Variants in EBAG9 observed in about 807,000 individuals in gnomAD.
EBAG9 encodes estrogen receptor binding site associated antigen 9, also known as receptor-binding cancer antigen expressed on SiSo cells.
EBAG9 carries 16 observed loss-of-function variants against 30.9 expected under a neutral mutation model. The observed-to-expected ratio is 0.52, with a 90% confidence interval of 0.35 to 0.79. The LOEUF is 0.79. Among genes scored for constraint, EBAG9 ranks in the 30% least tolerant of loss-of-function variants. The pLI, the probability that EBAG9 is intolerant of heterozygous loss-of-function variation, is 0.01. For missense variants in EBAG9, 197 were observed against 242.1 expected (o/e 0.81, Z 1.24); for synonymous variants, 93 against 82.8 (o/e 1.12, Z -0.67).
intron 2 of EBAG9, among the ~76,000 whole-genome samples, 200 bp from the exon 3 acceptor site, chr8:109,553,665 C>CGG (rs1821538096): frequency 6.6e-6 from 1 of 152,022 alleles, no homozygotes; most frequent in Non-Finnish European, 1.5e-5. Flanking sequence ...TTGTTCTGTC[C>CGG]AAGATTTAAA....
At chr8:109,560,643 C>T (rs2131131619) in intron 5 of EBAG9, among the ~76,000 whole-genome samples, 195 bp from the exon 6 acceptor site, 1 of 152,242 alleles carries the variant, frequency 6.6e-6, no homozygotes, top group Non-Finnish European at 1.5e-5. Flanking sequence ...CTGTTGAACA[C>T]TGAAAGTCAT....
chr8:109,543,135 CTTT>C (rs557388998), intron 1 of EBAG9, among the ~76,000 whole-genome samples: 3 of 52,852 alleles, frequency 5.7e-5, no homozygotes, highest in Non-Finnish European at 1.0e-4. Flanking sequence ...TATTCTGGTT[CTTT>C]TTTTTTTTTT....
At chr8:109,553,453 A>G (rs1256471959) in intron 2 of EBAG9, among the ~76,000 whole-genome samples, 1 of 152,196 alleles carries the variant, frequency 6.6e-6, no homozygotes, top group Non-Finnish European at 1.5e-5. Flanking sequence ...TTAATAGTTA[A>G]TCTTATCAAG....
At chr8:109,558,189 AG>A (rs1390129859) in intron 5 of EBAG9, among the ~76,000 whole-genome samples, 1 of 152,184 alleles carries the variant, frequency 6.6e-6, no homozygotes, top group Non-Finnish European at 1.5e-5. Context: ...CCCTCTTCCC[AG>A]GGGACCCATG....
At chr8:109,558,687 G>C (rs1821652458) in intron 5 of EBAG9, among the ~76,000 whole-genome samples, 3 of 152,092 alleles carry the variant, frequency 2.0e-5, no homozygotes, top group East Asian at 3.9e-4. Context: ...AGAATAAAGG[G>C]GCATTGCATA....
chr8:109,556,972 TC>T lies in EBAG9; in HGVS notation c.362del (p.Pro121GlnfsTer11). ...AAGAGAGAACCATTGAATTTTGGCATCCCAGATGGGAGCACAGGTTTCTCTA... is the reference window on the plus strand; with the variant it reads ...AAGAGAGAACCATTGAATTTTGGCATCCAGATGGGAGCACAGGTTTCTCTA... ...IKKREPLNFG[I>X]PDGSTGFSSR... On this transcript the variant is annotated frameshift_variant, in exon 5 of 7. Coordinates refer to ENST00000337573, the MANE Select transcript of EBAG9 (RefSeq NM_004215.5). LOFTEE classifies it high-confidence loss of function. The T allele has an allele frequency of 6.2e-7, 1 of 1,604,444 alleles. No homozygotes were observed. The highest frequency in any genetic ancestry group is 8.5e-7 in the Non-Finnish European group (1 of 1,174,718).
intron 4 of EBAG9, among the ~76,000 whole-genome samples, chr8:109,555,124 C>T (rs1821572024): frequency 6.6e-6 from 1 of 151,864 alleles, no homozygotes; most frequent in Admixed American, 6.6e-5. Context: ...CTAATGCTAT[C>T]CCTCCCCTCT....
intron 6 of EBAG9, 128 bp downstream of exon 6, chr8:109,561,057 G>A: frequency 1.4e-6 from 1 of 723,980 alleles, no homozygotes; most frequent in Non-Finnish European, 2.2e-6. Context: ...TAGATAATAA[G>A]GACTTTTTTT....
intron 6 of EBAG9, 38 bp downstream of exon 6, chr8:109,560,967 G>A (rs765611955): frequency 1.2e-5 from 19 of 1,553,154 alleles, no homozygotes; most frequent in Non-Finnish European, 1.7e-5. Flanking sequence ...CTGAGTAGAA[G>A]AACTAGATTT....
At chr8:109,544,835 G>A (rs545619899) in intron 1 of EBAG9, among the ~76,000 whole-genome samples, 5 of 152,050 alleles carry the variant, frequency 3.3e-5, no homozygotes, top group South Asian at 2.1e-4. Flanking sequence ...GCTCTTAGTC[G>A]GGACATTGTC....
chr8:109,549,033 G>A (rs1821443009), intron 1 of EBAG9, among the ~76,000 whole-genome samples: 1 of 151,110 alleles, frequency 6.6e-6, no homozygotes, highest in Non-Finnish European at 1.5e-5. Context: ...TCATATTACT[G>A]TAGGTTTTTC....
At chr8:109,552,589 T>C (rs916415266) in intron 2 of EBAG9, among the ~76,000 whole-genome samples, 4 of 152,232 alleles carry the variant, frequency 2.6e-5, no homozygotes, top group Non-Finnish European at 5.9e-5. Flanking sequence ...TACTTCTATT[T>C]TTTAAAATTT....
chr8:109,544,315 A>C (rs1193022969), intron 1 of EBAG9, among the ~76,000 whole-genome samples: 2 of 152,166 alleles, frequency 1.3e-5, no homozygotes, highest in African/African-American at 4.8e-5. Flanking sequence ...GGGAAAAAAA[A>C]CTATCAAATT....
chr8:109,564,875 GT>G lies in EBAG9; in HGVS notation c.*317del, dbSNP rs1357184628. On this transcript the variant is annotated 3_prime_UTR_variant, in exon 7 of 7. Coordinates refer to ENST00000337573, the MANE Select transcript of EBAG9 (RefSeq NM_004215.5). ...CTAGTGTTTCTAGCTAAATAAATGG[GT>G]GTATATAATTTTATGGTGGAAAAGA... 9 of 177,624 alleles carry G rather than the reference GT, an allele frequency of 5.1e-5. No individual in the cohort carries two copies. Among genetic ancestry groups the G allele is most frequent in the Non-Finnish European group, 1.1e-4 (9 of 84,886 alleles). The allele number at this position is 177,624 out of a possible 1,614,324, so 11.0% of individuals were successfully genotyped here. A position where few individuals can be genotyped will look rare whatever the true frequency, so the allele number is the denominator to read the frequency against.
chr8:109,556,963 AT>A lies in EBAG9; in HGVS notation c.354del (p.Phe118LeufsTer14). 6.2e-7 allele frequency: 1 copy of A among 1,600,160 alleles called. No homozygotes were observed. Among genetic ancestry groups the A allele is most frequent in the Non-Finnish European group, 8.5e-7 (1 of 1,172,570 alleles). ...KIVIKKREPLNFGIPDGSTGF... is the reference protein window; with the variant it reads ...KIVIKKREPLXFGIPDGSTGF... ...GTTATTAAGAAGAGAGAACCATTGA[AT>A]TTTGGCATCCCAGATGGGAGCACAG... On this transcript the variant is annotated frameshift_variant, in exon 5 of 7. Transcript: ENST00000337573. LOFTEE classifies it high-confidence loss of function.
intron 6 of EBAG9, chr8:109,563,593 TA>T: frequency 2.2e-6 from 3 of 1,350,422 alleles, no homozygotes; most frequent in Non-Finnish European, 3.0e-6. Context: ...TTTTTTTTTT[TA>T]AACTTAAGTT....
At chr8:109,547,715 C>T (rs1163177499) in intron 1 of EBAG9, among the ~76,000 whole-genome samples, 15 of 151,942 alleles carry the variant, frequency 9.9e-5, no homozygotes, top group African/African-American at 2.4e-5. Flanking sequence ...CTCCTGACCT[C>T]GTGATCCGCC....
chr8:109,563,350 C>T, intron 6 of EBAG9: 1 of 1,584,420 alleles, frequency 6.3e-7, no homozygotes, highest in Non-Finnish European at 8.5e-7. Flanking sequence ...AGCTTCCTTC[C>T]TCAACGTTGC....
intron 5 of EBAG9, 57 bp downstream of exon 5, chr8:109,557,099 G>A (rs1821616261): frequency 9.0e-7 from 1 of 1,108,152 alleles, no homozygotes; most frequent in Non-Finnish European, 1.3e-6. Flanking sequence ...TTTCTTTAAA[G>A]CAGAGGAATA....
Sources: allele counts gnomAD v4.1 joint callset (sites outside exome capture counted in the v4.1 genomes callset), GRCh38; gene constraint gnomAD v4.1.1; transcripts MANE v1.5; gene names NCBI Gene and HGNC (gene_info 2026-07-23, HGNC 2026-07-21).